Variants in SEMA4D observed in about 807,000 individuals in gnomAD.
The protein encoded by SEMA4D is semaphorin 4D.
A neutral mutation model predicts 74.8 loss-of-function variants in SEMA4D; 22 were observed. That is an observed-to-expected ratio of 0.29 (90% CI 0.21 to 0.42). SEMA4D has a LOEUF of 0.42. Among genes scored for constraint, SEMA4D ranks in the 10% least tolerant of loss-of-function variants. The pLI is 1.00. For missense variants in SEMA4D, 937 were observed against 1,118.4 expected (o/e 0.84, Z 2.31); for synonymous variants, 445 against 463.7 (o/e 0.96, Z 0.52).
At chr9:89,387,737 G>T in intron 11 of SEMA4D, 129 bp from the exon 12 acceptor site, 1 of 716,894 alleles carries the variant, frequency 1.4e-6, no homozygotes, top group Non-Finnish European at 2.4e-6. Context: ...TTGAAATGAG[G>T]GTAGCAGTGA....
chr9:89,405,772 C>T (rs1176179880), intron 2 of SEMA4D, 73 bp from the exon 3 acceptor site: 1 of 1,316,078 alleles, frequency 7.6e-7, no homozygotes, highest in African/African-American at 1.5e-5. Flanking sequence ...TCTGTAGCCC[C>T]TCTGCTTGCC....
chr9:89,388,998 A>T lies in SEMA4D; in HGVS notation c.824T>A (p.Leu275Gln). ...CCGGGAGCAGATGAGTCGGGCTTTC[A>T]GGAAGGAGGTCCATTTCTTCTGCAA... is the stretch of plus-strand genomic sequence containing the variant. ...RTLQKKWTSF[L>Q]KARLICSRPD... The change falls in exon 10 of 16, where the codon CTG becomes CAG. Residue 275 changes from leucine to glutamine, a missense_variant. By Grantham distance (113) the Leu-to-Gln change is moderately radical (BLOSUM62 -2). Transcript: ENST00000422704. The T allele has an allele frequency of 6.2e-7, 1 of 1,614,138 alleles. No individual in the cohort carries two copies. The highest frequency in any genetic ancestry group is 8.5e-7 in the Non-Finnish European group (1 of 1,180,024).
chr9:89,459,627 C>A (rs1422338697), intron 1 of SEMA4D, among the ~76,000 whole-genome samples: 1 of 152,140 alleles, frequency 6.6e-6, no homozygotes, highest in Non-Finnish European at 1.5e-5. Flanking sequence ...TGCAGCTGTC[C>A]CTGCTCAGCC....
At chr9:89,385,342 C>G (rs112449623) in intron 13 of SEMA4D, 74,867 of 985,252 alleles carry the variant, frequency 0.076, 3,034 homozygotes, top group Middle Eastern at 0.13. Context: ...GTTGTAGGTG[C>G]CTGCCCAGTC....
intron 1 of SEMA4D, among the ~76,000 whole-genome samples, chr9:89,463,034 G>A (rs1439995232): frequency 6.6e-6 from 1 of 150,760 alleles, no homozygotes; most frequent in Non-Finnish European, 1.5e-5. Flanking sequence ...AGAACAAAAG[G>A]GTCTGTACTC....
rs575282028 is a variant in SEMA4D at position 89,381,158 on chromosome 9, G to A, written c.1619+16C>T. 26 of 1,614,052 alleles carry A rather than the reference G, an allele frequency of 1.6e-5. 1 individual carries two copies. In the South Asian group the frequency reaches 1.6e-4, roughly 10 times the overall value. ...CACATGGGGGACATCCCCAGGCAGC[G>A]CATCCCGCCCCATACCTGCTGGGGC... On this transcript the variant is annotated intron_variant, in intron 14 of 15. Transcript: ENST00000422704. The surrounding 1 kb of genome is among the most constrained non-coding windows in gnomAD (Gnocchi z 4.6).
At chr9:89,460,226 T>C (rs2135665989) in intron 1 of SEMA4D, among the ~76,000 whole-genome samples, 1 of 152,354 alleles carries the variant, frequency 6.6e-6, no homozygotes, top group Admixed American at 6.5e-5. Flanking sequence ...CAGCCCCTCC[T>C]GAGAAACAGC....
In SEMA4D at chr9:89,381,143, A is replaced by AC. The variant is rs769914211; in HGVS notation, c.1619+30dup. ...TGTTATTCACCCACACACATGGGGG[A>AC]CATCCCCAGGCAGCGCATCCCGCCC... On this transcript the variant is annotated intron_variant, in intron 14 of 15. Transcript: ENST00000422704. The surrounding 1 kb of genome is among the most constrained non-coding windows in gnomAD (Gnocchi z 4.6). 3.7e-6 allele frequency: 6 copies of AC among 1,613,980 alleles called. No homozygotes were observed.
At chr9:89,455,207 G>A (rs1454444909) in intron 2 of SEMA4D, among the ~76,000 whole-genome samples, 1 of 152,260 alleles carries the variant, frequency 6.6e-6, no homozygotes, top group Non-Finnish European at 1.5e-5. Context: ...TCTGTGACAG[G>A]GCCCGTGTGG....
chr9:89,387,129 C>T (rs1838707679), intron 12 of SEMA4D: 1 of 438,088 alleles, frequency 2.3e-6, no homozygotes, highest in African/African-American at 2.0e-5. Flanking sequence ...TCCTCTGCCC[C>T]AGCCCAGCCC....
intron 2 of SEMA4D, chr9:89,450,830 GTTC>G: frequency 3.0e-6 from 2 of 676,232 alleles, no homozygotes; most frequent in South Asian, 2.0e-5. Flanking sequence ...GTGAAGTGCA[GTTC>G]TTCTCCACCT....
In SEMA4D at chr9:89,386,415, G is replaced by A; in HGVS notation, c.1398C>T (p.Leu466=). ...HAVHIIEETQ[L]FQDFEPVQTL... is the part of the protein sequence containing the mutation. ...TCTGGACTGGCTCAAAGTCCTGGAA[G>A]AGCTGGGTCTCCTCGATGATGTGAA... Residue 466 remains leucine (L), a synonymous_variant, in exon 13 of 16, where the codon CTC becomes CTT. Transcript: ENST00000422704. The A allele has an allele frequency of 6.2e-7, 1 of 1,614,114 alleles. No homozygotes were observed. Among genetic ancestry groups the A allele is most frequent in the Non-Finnish European group, 8.5e-7 (1 of 1,179,994 alleles).
At position 89,417,527 on chromosome 9, in the gene SEMA4D, G is replaced by A. The variant is rs150316827; in HGVS notation, c.-243-11828C>T. On this transcript the variant is annotated intron_variant, in intron 2 of 15. Coordinates refer to ENST00000422704, the MANE Select transcript of SEMA4D (RefSeq NM_001371194.2). ...TATGAAAATGATGAAGGAAAGATGG[G>A]GTTTGACTTTTGTTTTCACAAATTA... is the stretch of plus-strand genomic sequence containing the variant. Among the ~76,000 whole-genome samples, 256 of 152,294 alleles carry A rather than the reference G, an allele frequency of 1.7e-3. 1 individual carries two copies. Among genetic ancestry groups the A allele is most frequent in the African/African-American group, 5.8e-3 (242 of 41,546 alleles).
intron 16 of SEMA4D, among the ~76,000 whole-genome samples, chr9:89,370,756 G>T (rs1174022954): frequency 3.0e-4 from 40 of 134,060 alleles, no homozygotes; most frequent in African/African-American, 8.8e-4. Context: ...GGGTGTGGTT[G>T]TGAGGGGTGT....
At chr9:89,444,559 C>G (rs1852392541) in intron 2 of SEMA4D, among the ~76,000 whole-genome samples, 1 of 152,132 alleles carries the variant, frequency 6.6e-6, no homozygotes. Context: ...ATTCATTGGT[C>G]AAAGGACGGA....
At chr9:89,367,251 G>A (rs1833816418) in intron 16 of SEMA4D, 1 of 152,502 alleles carries the variant, frequency 6.6e-6, no homozygotes, top group South Asian at 2.1e-4. Context: ...AGGGCAGCAG[G>A]TGCAAACCCA....
chr9:89,411,236 C>T (rs931734908), intron 2 of SEMA4D, among the ~76,000 whole-genome samples: 2 of 152,158 alleles, frequency 1.3e-5, no homozygotes, highest in Admixed American at 6.5e-5. Flanking sequence ...AGAACAGATA[C>T]ACAGATTAGA....
intron 1 of SEMA4D, among the ~76,000 whole-genome samples, chr9:89,494,786 C>T (rs1825881173): frequency 6.6e-6 from 1 of 152,182 alleles, no homozygotes; most frequent in Non-Finnish European, 1.5e-5. Context: ...ATCCCCTCTG[C>T]TTCCCCACCC....
At position 89,388,770 on chromosome 9, in the gene SEMA4D, C is replaced by A. The variant is rs757825361; in HGVS notation, c.973G>T (p.Val325Leu). The A allele has an allele frequency of 1.2e-6, 2 of 1,606,866 alleles. No homozygotes were observed. Among genetic ancestry groups the A allele is most frequent in the African/African-American group, 2.7e-5 (2 of 74,776 alleles). The change falls in exon 11 of 16, where the codon GTG becomes TTG. Residue 325 changes from valine (V) to leucine (L), a missense_variant. By Grantham distance (32) the Val-to-Leu change is conservative (BLOSUM62 1). Transcript: ENST00000422704. ...PQLNNVGLSAVCAYNLSTAEE... is the reference protein window; with the variant it reads ...PQLNNVGLSALCAYNLSTAEE... The stretch of plus-strand genomic sequence containing the variant: ...GCTGTGGACAGGTTGTAGGCGCACA[C>A]TGCCGACAGCCCCACGTTGTTCCTG...
Sources: gnomAD v4.1 joint callset for allele counts (sites outside exome capture counted in the v4.1 genomes callset) on GRCh38, gnomAD v4.1.1 for gene constraint, Gnocchi (gnomAD v3.1) non-coding constraint, MANE v1.5 for transcripts, NCBI Gene and HGNC (gene_info 2026-07-23, HGNC 2026-07-21) for gene names.